Variants in SNX31 observed in about 807,000 individuals in gnomAD.
SNX31 encodes the protein sorting nexin-31.
A neutral mutation model predicts 65.4 loss-of-function variants in SNX31; 58 were observed. The observed-to-expected ratio is 0.89, with a 90% CI of 0.72 to 1.10. The LOEUF (loss-of-function observed/expected upper bound fraction) is 1.10, where lower values mean the gene tolerates loss of function less well. Ranked by LOEUF, SNX31 falls within the 50% of genes least tolerant of loss-of-function variation. The pLI, the probability that SNX31 is intolerant of heterozygous loss-of-function variation, is 0.00. For missense variants in SNX31, 523 were observed against 529.7 expected, an observed-to-expected ratio of 0.99 and a Z score of 0.12; for synonymous variants, 181 against 190.1, an observed-to-expected ratio of 0.95 and a Z score of 0.39.
chr8:100,581,352 T>TATAG (rs1563511018), intron 12 of SNX31, among the ~76,000 whole-genome samples: 6 of 147,560 alleles, frequency 4.1e-5, no homozygotes, highest in African/African-American at 1.5e-4. Flanking sequence ...TATATATATA[T>TATAG]ATATAATTTA....
intron 2 of SNX31, among the ~76,000 whole-genome samples, chr8:100,647,811 C>A (rs1466758963): frequency 6.6e-6 from 1 of 152,094 alleles, no homozygotes; most frequent in Non-Finnish European, 1.5e-5. Context: ...GAGAGGATAC[C>A]CTGCCTCCCC....
intron 12 of SNX31, among the ~76,000 whole-genome samples, chr8:100,577,482 C>A (rs1335146997): frequency 6.6e-6 from 1 of 152,148 alleles, no homozygotes; most frequent in Admixed American, 6.5e-5. Context: ...AGAATCAAAG[C>A]GAAGTTCAAG....
At chr8:100,631,327 T>C (rs6985816) in intron 3 of SNX31, among the ~76,000 whole-genome samples, 26,543 of 152,026 alleles carry the variant, frequency 0.17, 2,757 homozygotes, top group African/African-American at 0.28. Flanking sequence ...CCTCCTGGTT[T>C]ACCCCCACTT....
rs1438009960 is a variant in SNX31, at chr8:100,610,292, A to G, written c.611+1708T>C. Among the ~76,000 whole-genome samples, 1 of 151,798 alleles carries G rather than the reference A, an allele frequency of 6.6e-6. No individual in the cohort carries two copies. The highest frequency in any genetic ancestry group is 1.5e-5 in the Non-Finnish European group (1 of 68,020). ...TTCAAGCTTCAAGGTAAGAAACAGA[A>G]TCATCATCTCTCCTTTGATCTCAGG... On this transcript the variant is annotated intron_variant, in intron 7 of 13. Coordinates refer to ENST00000311812, the MANE Select transcript of SNX31 (RefSeq NM_152628.4). This position sits in a 1 kb window ranked among gnomAD's most constrained non-coding sequence, Gnocchi z 4.0.
chr8:100,623,628 T>C (rs191312683), intron 4 of SNX31, among the ~76,000 whole-genome samples: 2 of 152,196 alleles, frequency 1.3e-5, no homozygotes, highest in Non-Finnish European at 2.9e-5. Flanking sequence ...TTGCTCTATC[T>C]TTCTTTGACC....
chr8:100,604,805 G>C lies in SNX31; in HGVS notation c.681+3689C>G, dbSNP rs1159650168. The stretch of plus-strand genomic sequence containing the variant: ...ACATCTGCTTTAGAAAATCAAAGCT[G>C]TGCCCCTTAATAGTTAATTATGATG... On this transcript the variant is annotated intron_variant, in intron 8 of 13. Coordinates refer to ENST00000311812, the MANE Select transcript of SNX31 (RefSeq NM_152628.4). The surrounding 1 kb of genome is among the most constrained non-coding windows in gnomAD (Gnocchi z 4.3). Among the ~76,000 whole-genome samples the C allele has an allele frequency of 6.6e-6, 1 of 152,200 alleles. No homozygotes were observed.
In SNX31 at chr8:100,609,859, C is replaced by T. The variant is rs1466516387; in HGVS notation, c.612-1296G>A. ...GGCTCCCACAGGCCAGCACAGGTACCCTGTGGCCTGGAGGAAGCCATATCA... is the reference window on the plus strand; with the variant it reads ...GGCTCCCACAGGCCAGCACAGGTACTCTGTGGCCTGGAGGAAGCCATATCA... On this transcript the variant is annotated intron_variant, in intron 7 of 13. Coordinates refer to ENST00000311812, the MANE Select transcript of SNX31 (RefSeq NM_152628.4). The surrounding 1 kb of genome is among the most constrained non-coding windows in gnomAD (Gnocchi z 4.9). Among the ~76,000 whole-genome samples, 1 of 152,154 alleles carries T rather than the reference C, an allele frequency of 6.6e-6. No individual in the cohort carries two copies. The highest frequency in any genetic ancestry group is 2.4e-5 in the African/African-American group (1 of 41,434).
At chr8:100,641,816 C>T (rs1200603379) in intron 2 of SNX31, among the ~76,000 whole-genome samples, 3 of 150,150 alleles carry the variant, frequency 2.0e-5, no homozygotes, top group African/African-American at 4.9e-5. Flanking sequence ...TGGTGGCTCA[C>T]GCCTGTAATC....
chr8:100,640,365 A>G (rs908027328), intron 2 of SNX31, among the ~76,000 whole-genome samples: 1 of 152,184 alleles, frequency 6.6e-6, no homozygotes, highest in Non-Finnish European at 1.5e-5. Flanking sequence ...ACCTCAGGTG[A>G]TCCACCCACC....
At chr8:100,620,747 C>T (rs986809716) in intron 4 of SNX31, among the ~76,000 whole-genome samples, 1 of 152,126 alleles carries the variant, frequency 6.6e-6, no homozygotes, top group African/African-American at 2.4e-5. Flanking sequence ...CTCCATGAGG[C>T]ATATACACTT....
intron 13 of SNX31, among the ~76,000 whole-genome samples, chr8:100,574,630 T>A (rs1190771973): frequency 8.3e-5 from 11 of 132,092 alleles, no homozygotes; most frequent in South Asian, 2.5e-4. Context: ...AGACTCCGTC[T>A]AAAAAAAAAA....
chr8:100,595,654 T>A (rs888587760), intron 10 of SNX31, among the ~76,000 whole-genome samples: 1 of 151,974 alleles, frequency 6.6e-6, no homozygotes, highest in Admixed American at 6.6e-5. Context: ...AATTAGGGTG[T>A]GGTAGTGGAA....
In SNX31 at chr8:100,608,523, T is replaced by C; in HGVS notation, c.652A>G (p.Arg218Gly). 1 of 1,614,106 alleles carries C rather than the reference T, an allele frequency of 6.2e-7. No homozygotes were observed. The highest frequency in any genetic ancestry group is 8.5e-7 in the Non-Finnish European group (1 of 1,179,966). The change falls in exon 8 of 14, where the codon AGG becomes GGG. Residue 218 changes from arginine (R) to glycine (G), a missense_variant. Coordinates refer to ENST00000311812, the MANE Select transcript of SNX31 (RefSeq NM_152628.4). ...ATGTAGAGCAAATCTACCGCCACCC[T>C]GCAGTCCATCAGCACGGAGTCGAGG... is the stretch of plus-strand genomic sequence containing the variant. The part of the protein sequence containing the change: ...PSLDSVLMDC[R>G]VAVDLLYMQA...
At chr8:100,631,269 A>C (rs899070721) in intron 3 of SNX31, among the ~76,000 whole-genome samples, 21 of 152,230 alleles carry the variant, frequency 1.4e-4, no homozygotes, top group African/African-American at 5.1e-4. Flanking sequence ...TGGGGCAGAC[A>C]CACCCCCATG....
intron 1 of SNX31, among the ~76,000 whole-genome samples, chr8:100,655,813 T>A (rs931913601): frequency 1.2e-4 from 18 of 152,122 alleles, no homozygotes; most frequent in Admixed American, 9.8e-4. Context: ...GCCCTGTAGA[T>A]GAAGAAGAGC....
At position 100,622,161 on chromosome 8, in the gene SNX31, CT is replaced by C. The variant is rs887125332; in HGVS notation, c.322-4432del. On this transcript the variant is annotated intron_variant, in intron 4 of 13. Transcript: ENST00000311812. The surrounding 1 kb of genome is among the most constrained non-coding windows in gnomAD (Gnocchi z 5.0). Reference sequence around the variant, plus strand: ...ATGCTTATTTGTAGAATGTTGTTGGCTTTTTTTTCACGCTTAATTAGTTTAA... The same window carrying C: ...ATGCTTATTTGTAGAATGTTGTTGGCTTTTTTTCACGCTTAATTAGTTTAA... Among the ~76,000 whole-genome samples, 2 of 151,976 alleles carry C rather than the reference CT, an allele frequency of 1.3e-5. No individual in the cohort carries two copies. The highest frequency in any genetic ancestry group is 4.8e-5 in the African/African-American group (2 of 41,388).
At chr8:100,653,769 T>C (rs962679267), upstream of SNX31, among the ~76,000 whole-genome samples, 8 of 152,188 alleles carry the variant, frequency 5.3e-5, no homozygotes, top group Non-Finnish European at 4.4e-5. Flanking sequence ...GTCAGCCTCA[T>C]ACCAGAGAGC....
At chr8:100,582,284 C>A (rs903019868) in intron 12 of SNX31, 3 of 152,206 alleles carry the variant, frequency 2.0e-5, no homozygotes, top group African/African-American at 7.2e-5. Context: ...AAGTAGCTTA[C>A]ATTTTTTTCA....
chr8:100,612,175 AT>A lies in SNX31; in HGVS notation c.524-89del. On this transcript the variant is annotated intron_variant, in intron 6 of 13. Coordinates refer to ENST00000311812, the MANE Select transcript of SNX31 (RefSeq NM_152628.4). This position sits in a 1 kb window ranked among gnomAD's most constrained non-coding sequence, Gnocchi z 4.3. ...CTTTCAAATGAGAAAATAAAACCTT[AT>A]TATTGGAAATAATAAAATCACAGTA... The A allele has an allele frequency of 1.3e-6, 1 of 767,258 alleles. No homozygotes were observed. Among genetic ancestry groups the A allele is most frequent in the Non-Finnish European group, 2.2e-6 (1 of 455,018 alleles). The allele number at this position is 767,258 out of a possible 1,614,324, so 47.5% of individuals were successfully genotyped here.
Sources: gnomAD v4.1 joint callset for allele counts (sites outside exome capture counted in the v4.1 genomes callset) on GRCh38, gnomAD v4.1.1 for gene constraint, Gnocchi (gnomAD v3.1) non-coding constraint, MANE v1.5 for transcripts, NCBI Gene and HGNC (gene_info 2026-07-23, HGNC 2026-07-21) for gene names.